Variants in SLC30A8 observed in about 807,000 individuals in gnomAD.
SLC30A8 encodes solute carrier family 30 member 8.
Under a neutral mutation model 36.9 loss-of-function variants are expected in SLC30A8, and 27 were observed. That is an observed-to-expected ratio of 0.73 (90% CI 0.54 to 1.01). The LOEUF (loss-of-function observed/expected upper bound fraction) is 1.01. SLC30A8 is among the 50% of genes least tolerant of loss of function. The pLI is 0.00. For missense variants in SLC30A8, 439 were observed against 452.0 expected (o/e 0.97, Z 0.26); for synonymous variants, 164 against 172.4 (o/e 0.95, Z 0.38).
intron 1 of SLC30A8, among the ~76,000 whole-genome samples, chr8:117,024,844 A>G (rs748253257): frequency 1.6e-4 from 24 of 151,996 alleles, no homozygotes; most frequent in Non-Finnish European, 3.2e-4. Flanking sequence ...GTACTTGTGC[A>G]AGATTTTCAG....
intron 2 of SLC30A8, among the ~76,000 whole-genome samples, chr8:117,059,144 T>G: frequency 6.6e-6 from 1 of 152,188 alleles, no homozygotes; most frequent in East Asian, 1.9e-4. Flanking sequence ...TATTCCTAAA[T>G]AGTTTGAATT....
At chr8:117,006,591 A>G (rs954513934) in intron 1 of SLC30A8, among the ~76,000 whole-genome samples, 2 of 151,870 alleles carry the variant, frequency 1.3e-5, no homozygotes, top group African/African-American at 4.8e-5. Context: ...CAGCCTCTCT[A>G]TTGTATGTAG....
intron 2 of SLC30A8, among the ~76,000 whole-genome samples, chr8:117,083,178 G>T (rs1818731570): frequency 6.6e-6 from 1 of 152,046 alleles, no homozygotes; most frequent in African/African-American, 2.4e-5. Flanking sequence ...GCAAAAAATG[G>T]CATATGTCAC....
At chr8:117,150,095 TA>T (rs1374401890) in intron 2 of SLC30A8, among the ~76,000 whole-genome samples, 2 of 152,230 alleles carry the variant, frequency 1.3e-5, no homozygotes, top group African/African-American at 4.8e-5. Context: ...ATCGACATTA[TA>T]AACAAAGGAA....
rs1408339633 is a variant in SLC30A8 at position 117,018,914 on chromosome 8, C to T, written c.-265-20305C>T. ...CTGACCTCAGGTGATCTACCCACCT[C>T]GGCCTCCCAAAGTGTTGGGATTACA... On this transcript the variant is annotated intron_variant, in intron 1 of 10. Coordinates refer to the SLC30A8 transcript ENST00000427715. 4.6e-5 allele frequency among the ~76,000 whole-genome samples: 7 copies of T among 152,124 alleles called. No homozygotes were observed. The East Asian group carries it at 1.2e-3, about 25-fold the overall frequency.
intron 2 of SLC30A8, among the ~76,000 whole-genome samples, chr8:117,099,737 G>A (rs1819626321): frequency 6.6e-6 from 1 of 151,980 alleles, no homozygotes; most frequent in African/African-American, 2.4e-5. Context: ...GTCTCTTTTT[G>A]GACAATAAAC....
At chr8:116,988,265 G>C (rs1252170409) in intron 1 of SLC30A8, among the ~76,000 whole-genome samples, 1 of 152,156 alleles carries the variant, frequency 6.6e-6, no homozygotes. Flanking sequence ...CAAATAATTA[G>C]AAGATATTTT....
At chr8:117,124,870 C>T (rs1191750202) in intron 2 of SLC30A8, among the ~76,000 whole-genome samples, 1 of 151,514 alleles carries the variant, frequency 6.6e-6, no homozygotes, top group Non-Finnish European at 1.5e-5. Flanking sequence ...CCCAAAACCT[C>T]AACATCCCAC....
At chr8:117,125,599 C>T (rs1486661522) in intron 2 of SLC30A8, among the ~76,000 whole-genome samples, 8 of 151,968 alleles carry the variant, frequency 5.3e-5, no homozygotes, top group Admixed American at 5.3e-4. Context: ...AAATGAAAAG[C>T]TTCCTGCTCC....
intron 1 of SLC30A8, among the ~76,000 whole-genome samples, chr8:117,002,822 C>G (rs1816056464): frequency 6.6e-6 from 1 of 152,152 alleles, no homozygotes; most frequent in South Asian, 2.1e-4. Flanking sequence ...CCAGGATGGT[C>G]TCGATCTCTT....
chr8:116,986,950 T>C (rs1289323243), intron 1 of SLC30A8, among the ~76,000 whole-genome samples: 1 of 152,200 alleles, frequency 6.6e-6, no homozygotes, highest in African/African-American at 2.4e-5. Context: ...AATGTAATGA[T>C]ACATCACATA....
chr8:117,086,752 T>C (rs1456643285), intron 2 of SLC30A8, among the ~76,000 whole-genome samples: 2 of 152,182 alleles, frequency 1.3e-5, no homozygotes, highest in African/African-American at 4.8e-5. Context: ...CTACTAACAT[T>C]GTGTTGATCA....
chr8:116,982,793 C>T (rs893475603), intron 1 of SLC30A8, among the ~76,000 whole-genome samples: 1 of 152,062 alleles, frequency 6.6e-6, no homozygotes, highest in Non-Finnish European at 1.5e-5. Context: ...TAAAGGGGCA[C>T]ATATATTTTT....
intron 2 of SLC30A8, among the ~76,000 whole-genome samples, chr8:117,059,754 A>T (rs932373042): frequency 2.0e-5 from 3 of 152,210 alleles, no homozygotes; most frequent in Non-Finnish European, 2.9e-5. Flanking sequence ...TTGGCACTTA[A>T]TTCCAAAAAC....
intron 1 of SLC30A8, among the ~76,000 whole-genome samples, chr8:116,972,914 C>G (rs961961300): frequency 6.6e-6 from 1 of 152,168 alleles, no homozygotes; most frequent in Non-Finnish European, 1.5e-5. Flanking sequence ...TTCTAGGATT[C>G]TGCTACTGTC....
intron 2 of SLC30A8, among the ~76,000 whole-genome samples, chr8:117,078,567 A>G (rs1205613024): frequency 6.6e-6 from 1 of 152,126 alleles, no homozygotes; most frequent in African/African-American, 2.4e-5. Flanking sequence ...TCAGTTCCTC[A>G]TCTGCAAAGT....
chr8:117,034,504 T>G (rs1290598591), intron 1 of SLC30A8, among the ~76,000 whole-genome samples: 4 of 152,210 alleles, frequency 2.6e-5, no homozygotes, highest in African/African-American at 9.6e-5. Context: ...AGACAGGTAC[T>G]AGTATTCACC....
upstream of SLC30A8, among the ~76,000 whole-genome samples, chr8:117,130,901 A>G (rs149911273): frequency 1.9e-3 from 291 of 152,044 alleles, no homozygotes; most frequent in Middle Eastern, 3.4e-3. Context: ...GCTAGCCCCA[A>G]TATTTCTCCC....
At chr8:117,047,710 G>A (rs1361819330) in intron 2 of SLC30A8, among the ~76,000 whole-genome samples, 5 of 152,144 alleles carry the variant, frequency 3.3e-5, no homozygotes, top group Non-Finnish European at 7.3e-5. Context: ...TTAAGTAGAA[G>A]CTCGTTAAAA....
Sources: allele counts gnomAD v4.1 joint callset (sites outside exome capture counted in the v4.1 genomes callset), GRCh38; gene constraint gnomAD v4.1.1; transcripts MANE v1.5; gene names NCBI Gene and HGNC (gene_info 2026-07-23, HGNC 2026-07-21).